Variants in PKHD1L1 observed in about 807,000 individuals in gnomAD.
The protein encoded by PKHD1L1 is PKHD1 like 1.
A neutral mutation model predicts 462.9 loss-of-function variants in PKHD1L1; 434 were observed. The ratio of observed to expected loss-of-function variants is 0.94; its 90% CI spans 0.87 to 1.02. PKHD1L1 has a LOEUF of 1.02. Among genes scored for constraint, PKHD1L1 ranks in the 50% least tolerant of loss-of-function variants. The pLI is 0.00. For missense variants in PKHD1L1, 5,202 were observed against 5,096.1 expected, an observed-to-expected ratio of 1.02 and a Z score of -0.63; for synonymous variants, 1,781 against 1,750.0, an observed-to-expected ratio of 1.02 and a Z score of -0.44.
intron 76 of PKHD1L1, 77 bp downstream of exon 76, chr8:109,523,463 C>A: frequency 7.4e-7 from 1 of 1,344,336 alleles, no homozygotes; most frequent in South Asian, 1.7e-5. Context: ...ATGAACAAAG[C>A]ATTCTGTAAC....
chr8:109,495,266 A>G (rs1819029543), intron 63 of PKHD1L1, among the ~76,000 whole-genome samples: 1 of 152,100 alleles, frequency 6.6e-6, no homozygotes, highest in Non-Finnish European at 1.5e-5. Context: ...TCTTTGACTT[A>G]AAAATTTAAA....
chr8:109,431,830 A>T (rs1370480455), intron 27 of PKHD1L1, among the ~76,000 whole-genome samples: 1 of 152,192 alleles, frequency 6.6e-6, no homozygotes, highest in Non-Finnish European at 1.5e-5. Flanking sequence ...TCTTTAGAGT[A>T]TATACCCAGA....
rs779853543 is a variant in PKHD1L1 at position 109,389,072 on chromosome 8, T to C, written c.624-7T>C. 3.8e-6 allele frequency: 6 copies of C among 1,580,000 alleles called. No individual in the cohort carries two copies. The Middle Eastern group carries it at 6.7e-4, about 176-fold the overall frequency. On this transcript the variant is annotated splice_polypyrimidine_tract_variant and splice_region_variant and intron_variant, in intron 7 of 77. Coordinates refer to ENST00000378402, the MANE Select transcript of PKHD1L1 (RefSeq NM_177531.6). ...ATAAGCTTTGACATTAACTTTTTTTTAATTAGATATGGTCTAAAACTGGAT... is the reference window on the plus strand; with the variant it reads ...ATAAGCTTTGACATTAACTTTTTTTCAATTAGATATGGTCTAAAACTGGAT...
intron 11 of PKHD1L1, among the ~76,000 whole-genome samples, chr8:109,397,134 A>G (rs1162856803): frequency 6.6e-6 from 1 of 152,078 alleles, no homozygotes; most frequent in African/African-American, 2.4e-5. Context: ...TTATAATCTG[A>G]TCTTATGTTT....
At chr8:109,485,713 C>T (rs1818490582) in intron 58 of PKHD1L1, among the ~76,000 whole-genome samples, 1 of 151,814 alleles carries the variant, frequency 6.6e-6, no homozygotes, top group African/African-American at 2.4e-5. Context: ...TGGGAGCAGA[C>T]AGTAGTGAAA....
chr8:109,464,153 C>A, intron 48 of PKHD1L1, 63 bp from the exon 49 acceptor site: 1 of 1,145,518 alleles, frequency 8.7e-7, no homozygotes. Flanking sequence ...TTTTTTGAAA[C>A]AAGAAAATAT....
intron 21 of PKHD1L1, among the ~76,000 whole-genome samples, chr8:109,413,915 G>C (rs1813992370): frequency 1.3e-5 from 2 of 151,958 alleles, no homozygotes; most frequent in African/African-American, 4.8e-5. Context: ...AGTCATTATA[G>C]TTTGATCACT....
chr8:109,441,325 A>G lies in PKHD1L1; in HGVS notation c.4150A>G (p.Ile1384Val). The G allele has an allele frequency of 6.3e-7, 1 of 1,591,968 alleles. No homozygotes were observed. The highest frequency in any genetic ancestry group is 8.6e-7 in the Non-Finnish European group (1 of 1,165,310). Residue 1384 changes from isoleucine (I) to valine (V), a missense_variant, in exon 34 of 78, where the codon ATT (isoleucine) becomes GTT (valine). Physicochemically the swap from Ile to Val is conservative, Grantham distance 29. Around this residue, in one of 3 missense-constraint regions of PKHD1L1, gnomAD observed 4,497 missense variants for 4,336.8 expected, o/e 1.04. Transcript: ENST00000378402. Reference protein sequence around the residue: ...TSSSENVIKCILHSTGNIFRI... With the variant: ...TSSSENVIKCVLHSTGNIFRI... ...ATCATCAGAAAATGTCATAAAATGT[A>G]TTCTTCATTCAACTGGGAATATATT...
At chr8:109,452,322 C>T in intron 42 of PKHD1L1, 42 bp downstream of exon 42, 1 of 1,454,216 alleles carries the variant, frequency 6.9e-7, no homozygotes, top group Non-Finnish European at 9.1e-7. Flanking sequence ...CAATAGAAAA[C>T]CAGCATTATG....
chr8:109,393,866 T>A (rs1313516798), intron 9 of PKHD1L1, among the ~76,000 whole-genome samples: 1 of 152,044 alleles, frequency 6.6e-6, no homozygotes, highest in Non-Finnish European at 1.5e-5. Context: ...CTTTTTTATG[T>A]CAATATAATT....
chr8:109,422,493 A>G (rs887714247), intron 23 of PKHD1L1, among the ~76,000 whole-genome samples: 2 of 152,156 alleles, frequency 1.3e-5, no homozygotes, highest in Admixed American at 6.5e-5. Context: ...TAGCTTTTGT[A>G]TACTGGCATT....
intron 76 of PKHD1L1, among the ~76,000 whole-genome samples, 173 bp downstream of exon 76, chr8:109,523,559 A>G (rs1820668440): frequency 6.6e-6 from 1 of 152,198 alleles, no homozygotes; most frequent in Non-Finnish European, 1.5e-5. Context: ...AATAGATTTC[A>G]TATGTGAAAT....
chr8:109,468,442 T>C (rs2130846437), intron 50 of PKHD1L1, among the ~76,000 whole-genome samples: 1 of 152,346 alleles, frequency 6.6e-6, no homozygotes, highest in South Asian at 2.1e-4. Flanking sequence ...GGGCAATATC[T>C]ACAAACTTAC....
rs369487792 is a variant in PKHD1L1 at position 109,452,726 on chromosome 8, T to C, written c.6516T>C (p.Ala2172=). 3.3e-6 allele frequency: 5 copies of C among 1,529,274 alleles called. No individual in the cohort carries two copies. The African/African-American group carries it at 5.6e-5, about 17-fold the overall frequency. 94.7% of individuals were successfully genotyped at this position (1,529,274 alleles called of 1,614,324 possible). ...RGVGMAKLDN[A]DFLYVDAWSS... is the part of the protein sequence containing the mutation. ...CTTATGTTCTATTACAGGATAATGC[T>C]GACTTTCTTTATGTTGATGCCTGGT... is the stretch of plus-strand genomic sequence containing the variant. The change falls in exon 43 of 78, where the codon GCT becomes GCC. Residue 2172 remains alanine, a synonymous_variant. Transcript: ENST00000378402.
intron 71 of PKHD1L1, among the ~76,000 whole-genome samples, chr8:109,511,857 C>T (rs12547517): frequency 0.24 from 37,060 of 151,484 alleles, 5,195 homozygotes; most frequent in African/African-American, 0.35. Flanking sequence ...CCAGCACCTA[C>T]TGTTTCCTGA....
At chr8:109,371,805 G>C (rs1811525741) in intron 2 of PKHD1L1, among the ~76,000 whole-genome samples, 1 of 152,134 alleles carries the variant, frequency 6.6e-6, no homozygotes, top group South Asian at 2.1e-4. Flanking sequence ...TCAAAGATCA[G>C]ATAGTTGTAG....
chr8:109,403,471 C>T (rs139156304), intron 14 of PKHD1L1, among the ~76,000 whole-genome samples: 4 of 152,050 alleles, frequency 2.6e-5, no homozygotes, highest in South Asian at 2.1e-4. Flanking sequence ...GAAGATTAAA[C>T]GTAATAATGT....
chr8:109,517,143 C>T (rs1282973938), intron 72 of PKHD1L1, among the ~76,000 whole-genome samples: 2 of 152,118 alleles, frequency 1.3e-5, no homozygotes, highest in Non-Finnish European at 2.9e-5. Flanking sequence ...CAGAAAACAA[C>T]TCCGCCACTG....
At chr8:109,480,164 A>AT in intron 55 of PKHD1L1, 25 bp downstream of exon 55, 1 of 1,515,612 alleles carries the variant, frequency 6.6e-7, no homozygotes, top group Non-Finnish European at 8.8e-7. Context: ...CTTGTAGTTT[A>AT]TATCTTTATT....
Sources: gnomAD v4.1 joint callset for allele counts (sites outside exome capture counted in the v4.1 genomes callset) on GRCh38, gnomAD v4.1.1 for gene constraint, gnomAD v4.1.1 regional missense constraint, MANE v1.5 for transcripts, NCBI Gene and HGNC (gene_info 2026-07-23, HGNC 2026-07-21) for gene names.